Variants in OSBPL10 observed in about 807,000 individuals in gnomAD.
The protein encoded by OSBPL10 is oxysterol-binding protein-related protein 10.
OSBPL10 carries 49 observed loss-of-function variants against 81.7 expected under a neutral mutation model. The ratio of observed to expected loss-of-function variants is 0.60; its 90% CI spans 0.48 to 0.76. OSBPL10 has a LOEUF of 0.76. Ranked by LOEUF, OSBPL10 falls within the 30% of genes least tolerant of loss-of-function variation. The pLI is 0.00. For missense variants in OSBPL10, 923 were observed against 987.8 expected, an observed-to-expected ratio of 0.93 and a Z score of 0.88; for synonymous variants, 419 against 383.6, an observed-to-expected ratio of 1.09 and a Z score of -1.08.
rs193075247 is a variant in OSBPL10, at chr3:31,722,539, A to G, written c.1095+10718T>C. On this transcript the variant is annotated intron_variant, in intron 6 of 11. Coordinates refer to ENST00000396556, the MANE Select transcript of OSBPL10 (RefSeq NM_017784.5). ...TGGGGTTTTTAAAAGCCAGGTAAAC[A>G]TAAGTGTAAGTCCCTCTTGCTTCCA... 1.1e-3 allele frequency among the ~76,000 whole-genome samples: 164 copies of G among 152,334 alleles called. 1 individual carries two copies. The highest frequency in any genetic ancestry group is 3.2e-4 in the Non-Finnish European group (22 of 68,022).
At chr3:31,732,850 G>A (rs1223186362) in intron 6 of OSBPL10, 2 of 244,542 alleles carry the variant, frequency 8.2e-6, no homozygotes, top group African/African-American at 4.8e-5. Flanking sequence ...GCATGCAGGA[G>A]TCGAGCATGT....
At chr3:31,880,662 G>GAC (rs1483930352) in intron 1 of OSBPL10, among the ~76,000 whole-genome samples, 1 of 152,138 alleles carries the variant, frequency 6.6e-6, no homozygotes, top group Non-Finnish European at 1.5e-5. Flanking sequence ...ATCTTCCACT[G>GAC]ACACTAGTCT....
Position 31,905,825 on chromosome 3 carries a change from A to G in OSBPL10, c.282-25995T>C, listed in dbSNP as rs140486131. 1.5e-4 allele frequency among the ~76,000 whole-genome samples: 23 copies of G among 152,112 alleles called. No individual in the cohort carries two copies. In the East Asian group the frequency reaches 4.1e-3, roughly 27 times the overall value. On this transcript the variant is annotated intron_variant, in intron 1 of 11. Transcript: ENST00000396556. ...AAATATAAGACTTCTTAGCAAGACA[A>G]TAAAACATTCCCTGACAAAAAAAAA...
intron 8 of OSBPL10, among the ~76,000 whole-genome samples, chr3:31,680,003 G>A (rs1012267411): frequency 6.6e-6 from 1 of 152,132 alleles, no homozygotes; most frequent in African/African-American, 2.4e-5. Flanking sequence ...AGAGTCCCCA[G>A]TCTGGGCTGA....
At chr3:31,976,111 T>C (rs954666451) in intron 1 of OSBPL10, among the ~76,000 whole-genome samples, 8 of 152,296 alleles carry the variant, frequency 5.3e-5, no homozygotes, top group African/African-American at 1.7e-4. Context: ...AAGAACTCTA[T>C]GATAATTATG....
At chr3:31,978,613 C>T (rs943713202) in intron 1 of OSBPL10, among the ~76,000 whole-genome samples, 6 of 152,062 alleles carry the variant, frequency 3.9e-5, no homozygotes, top group Non-Finnish European at 8.8e-5. Context: ...AAATAGAAAC[C>T]CTGACACTGA....
At chr3:31,803,111 G>A (rs1220489658) in intron 4 of OSBPL10, among the ~76,000 whole-genome samples, 1 of 152,024 alleles carries the variant, frequency 6.6e-6, no homozygotes, top group African/African-American at 2.4e-5. Flanking sequence ...AATGAGAACA[G>A]TGTGTAACAT....
chr3:31,909,959 A>G (rs1696525955), intron 1 of OSBPL10, among the ~76,000 whole-genome samples: 3 of 147,764 alleles, frequency 2.0e-5, no homozygotes, highest in African/African-American at 7.5e-5. Context: ...TAAGACAATC[A>G]TTTTGCATCC....
chr3:31,940,522 TC>T (rs919816981), intron 1 of OSBPL10, among the ~76,000 whole-genome samples: 7 of 152,314 alleles, frequency 4.6e-5, no homozygotes, highest in Non-Finnish European at 8.8e-5. Flanking sequence ...CCACCTCATT[TC>T]CCTTTTTTAA....
At position 31,664,113 on chromosome 3, in the gene OSBPL10, C is replaced by T. The variant is rs764789997; in HGVS notation, c.2216G>A (p.Arg739His). The T allele has an allele frequency of 2.3e-5, 37 of 1,613,882 alleles. 1 individual carries two copies. The East Asian group carries it at 6.2e-4, about 27-fold the overall frequency. ...AAAATATTTGGGCTTCCATGGTGTG[C>T]GGAGGTTCTCGCGCTTCCGTTCCTC... ...RVEERKRENL[R>H]TPWKPKYFIQ... The change falls in exon 11 of 12, where the codon CGC becomes CAC. Residue 739 changes from arginine to histidine, a missense_variant. By Grantham distance (29) the Arg-to-His change is conservative. Transcript: ENST00000396556.
chr3:31,743,327 C>G (rs1697417114), intron 5 of OSBPL10, among the ~76,000 whole-genome samples: 1 of 152,156 alleles, frequency 6.6e-6, no homozygotes, highest in African/African-American at 2.4e-5. Flanking sequence ...GTGTGAGCCA[C>G]CATACCCGGC....
chr3:32,034,289 A>G (rs1699499147), intron 2 of OSBPL10, among the ~76,000 whole-genome samples: 1 of 151,980 alleles, frequency 6.6e-6, no homozygotes, highest in Non-Finnish European at 1.5e-5. Context: ...AAAAATAAAA[A>G]GATTAGCCAG....
chr3:31,968,022 G>A (rs796214442), intron 1 of OSBPL10, among the ~76,000 whole-genome samples: 3 of 152,246 alleles, frequency 2.0e-5, no homozygotes, highest in African/African-American at 7.2e-5. Context: ...AATTTACAGA[G>A]AAGTTACACA....
chr3:31,664,400 G>T (rs370017165), intron 10 of OSBPL10, 168 bp from the exon 11 acceptor site: 6 of 642,232 alleles, frequency 9.3e-6, no homozygotes, highest in South Asian at 3.9e-5. Flanking sequence ...TTGAACCCAG[G>T]GCTACCCAGC....
In OSBPL10 at chr3:31,879,785, C is replaced by T. The variant is rs1030714115; in HGVS notation, c.327G>A (p.Val109=). Residue 109 remains valine, a synonymous_variant, in exon 2 of 12, where the codon GTG becomes GTA. Transcript: ENST00000396556. ...GCTTCTGGTGTTTGCTTTGCTCATT[C>T]ACAAAATACTGCAGGATGCCAGCCT... The part of the protein sequence containing the change: ...DFEAGILQYF[V]NEQSKHQKPR... The T allele has an allele frequency of 1.9e-6, 3 of 1,614,152 alleles. No individual in the cohort carries two copies. Among genetic ancestry groups the T allele is most frequent in the Non-Finnish European group, 2.5e-6 (3 of 1,180,016 alleles).
chr3:31,941,509 T>G (rs990970580), intron 1 of OSBPL10, among the ~76,000 whole-genome samples: 5 of 152,216 alleles, frequency 3.3e-5, no homozygotes, highest in African/African-American at 1.2e-4. Flanking sequence ...AACAATGATT[T>G]GGAAACGTAC....
At chr3:31,835,296 CA>C (rs976299113) in intron 3 of OSBPL10, among the ~76,000 whole-genome samples, 3 of 151,970 alleles carry the variant, frequency 2.0e-5, no homozygotes, top group Admixed American at 2.0e-4. Flanking sequence ...ATGGGTTACC[CA>C]AAAAAATAAT....
chr3:31,694,895 C>G (rs947463042), intron 7 of OSBPL10, among the ~76,000 whole-genome samples: 1 of 152,204 alleles, frequency 6.6e-6, no homozygotes, highest in African/African-American at 2.4e-5. Flanking sequence ...GCTGGGATTA[C>G]AGGCATGTGC....
intron 2 of OSBPL10, among the ~76,000 whole-genome samples, chr3:31,995,919 C>A (rs1480905300): frequency 6.6e-6 from 1 of 152,106 alleles, no homozygotes; most frequent in Non-Finnish European, 1.5e-5. Context: ...TGACATCTCC[C>A]CTTCCTGATT....
Sources: gnomAD v4.1 joint callset for allele counts (sites outside exome capture counted in the v4.1 genomes callset) on GRCh38, gnomAD v4.1.1 for gene constraint, MANE v1.5 for transcripts, NCBI Gene and HGNC (gene_info 2026-07-23, HGNC 2026-07-21) for gene names.